ADAMTS5: variants seen among roughly 807,000 people sequenced by gnomAD.
The protein encoded by ADAMTS5 is A disintegrin and metalloproteinase with thrombospondin motifs 5.
A neutral mutation model predicts 81.4 loss-of-function variants in ADAMTS5; 54 were observed. That is an observed-to-expected ratio of 0.66 (90% confidence interval 0.53 to 0.83). The LOEUF is 0.83. Among genes scored for constraint, ADAMTS5 ranks in the 40% least tolerant of loss-of-function variants. The probability of loss-of-function intolerance (pLI) is 0.00; values close to 1 mark genes in which losing one functional copy is unlikely to be tolerated. For missense variants in ADAMTS5, 1,194 were observed against 1,229.9 expected (o/e 0.97, Z 0.44); for synonymous variants, 532 against 508.8 (o/e 1.05, Z -0.61).
intron 6 of ADAMTS5, among the ~76,000 whole-genome samples, chr21:26,930,625 T>C (rs1178013684): frequency 6.6e-6 from 1 of 152,194 alleles, no homozygotes; most frequent in Non-Finnish European, 1.5e-5. Context: ...TGAACGGACT[T>C]ACTGGAAGAG....
In ADAMTS5 at chr21:26,943,420, G is replaced by A. The variant is rs761708971; in HGVS notation, c.1365C>T (p.Cys455=). Residue 455 remains cysteine (C), a synonymous_variant, in exon 3 of 8, where the codon TGC becomes TGT. Coordinates refer to ENST00000284987, the MANE Select transcript of ADAMTS5 (RefSeq NM_007038.5). ...GGAATTCTGTGATGGTGGCTGAAGTGCATTTGGACCAGGGCTTAGATGCAT... is the reference window on the plus strand; with the variant it reads ...GGAATTCTGTGATGGTGGCTGAAGTACATTTGGACCAGGGCTTAGATGCAT... ...SIDASKPWSK[C]TSATITEFLD... 2 of 1,613,578 alleles carry A rather than the reference G, an allele frequency of 1.2e-6. No homozygotes were observed. Among genetic ancestry groups the A allele is most frequent in the South Asian group, 2.2e-5 (2 of 91,044 alleles).
intron 3 of ADAMTS5, 58 bp from the exon 4 acceptor site, chr21:26,934,807 T>C (rs936545300): frequency 7.6e-6 from 12 of 1,584,486 alleles, no homozygotes; most frequent in African/African-American, 1.3e-5. Flanking sequence ...ACCGCTAAAA[T>C]CATGGATCTA....
chr21:26,966,795 T>C lies in ADAMTS5; in HGVS notation c.-404A>G, dbSNP rs904521354. Among the ~76,000 whole-genome samples, 1 of 152,248 alleles carries C rather than the reference T, an allele frequency of 6.6e-6. No homozygotes were observed. The highest frequency in any genetic ancestry group is 1.5e-5 in the Non-Finnish European group (1 of 68,012). On this transcript the variant is annotated 5_prime_UTR_variant, in exon 1 of 8. Coordinates refer to ENST00000284987, the MANE Select transcript of ADAMTS5 (RefSeq NM_007038.5). ...AGGTACCGCGCACCGGGCTGGCAAC[T>C]GGTGCGCGCAGCCTCCCGCCCCCGC... is the stretch of plus-strand genomic sequence containing the variant.
chr21:26,954,617 T>A (rs1987384961), intron 2 of ADAMTS5, 122 bp downstream of exon 2: 2 of 1,441,354 alleles, frequency 1.4e-6, no homozygotes, highest in Non-Finnish European at 1.9e-6. Context: ...ATAAACAAAT[T>A]TAATTCCCAG....
At chr21:26,935,575 G>A (rs900049382) in intron 3 of ADAMTS5, among the ~76,000 whole-genome samples, 1 of 152,206 alleles carries the variant, frequency 6.6e-6, no homozygotes, top group African/African-American at 2.4e-5. Context: ...ATTGGTGTTT[G>A]TTGAGTATTT....
chr21:26,927,153 A>T (rs188217194), intron 7 of ADAMTS5, among the ~76,000 whole-genome samples: 9 of 152,316 alleles, frequency 5.9e-5, no homozygotes, highest in Admixed American at 5.2e-4. Flanking sequence ...TATGGCTGGC[A>T]GGGCAAAGGA....
At chr21:26,938,376 C>T (rs1215200682) in intron 3 of ADAMTS5, among the ~76,000 whole-genome samples, 4 of 152,024 alleles carry the variant, frequency 2.6e-5, no homozygotes, top group South Asian at 2.1e-4. Context: ...TGATTTGAGG[C>T]GAACCAGTAA....
intron 3 of ADAMTS5, among the ~76,000 whole-genome samples, chr21:26,937,753 G>A (rs1488959045): frequency 2.0e-5 from 3 of 152,152 alleles, no homozygotes; most frequent in Admixed American, 2.0e-4. Flanking sequence ...AGCTCTAGAG[G>A]CATCCAACCT....
At chr21:26,957,480 T>C (rs962979796) in intron 1 of ADAMTS5, among the ~76,000 whole-genome samples, 1 of 147,336 alleles carries the variant, frequency 6.8e-6, no homozygotes, top group African/African-American at 2.6e-5. Context: ...TAGATAGATA[T>C]AATCTAGACC....
intron 6 of ADAMTS5, among the ~76,000 whole-genome samples, chr21:26,930,936 T>C (rs1428410801): frequency 1.3e-5 from 2 of 152,200 alleles, no homozygotes; most frequent in African/African-American, 4.8e-5. Flanking sequence ...TGTAATATTT[T>C]TGAATGAAAA....
chr21:26,950,021 C>G (rs1293825237), intron 2 of ADAMTS5, among the ~76,000 whole-genome samples: 1 of 152,172 alleles, frequency 6.6e-6, no homozygotes, highest in African/African-American at 2.4e-5. Flanking sequence ...TTTAACCACA[C>G]CAAAACACAG....
chr21:26,920,816 C>T lies in ADAMTS5; in HGVS notation c.*3237G>A, dbSNP rs1986678338. ...TGTAAAAAACCTATTATCATAGGCA[C>T]AAGTAATGAACACTATTGGTCATGA... On this transcript the variant is annotated 3_prime_UTR_variant, in exon 8 of 8. Transcript: ENST00000284987. The T allele has an allele frequency of 6.6e-6, 1 of 151,976 alleles. No individual in the cohort carries two copies. The highest frequency in any genetic ancestry group is 1.5e-5 in the Non-Finnish European group (1 of 67,980). 9.4% of individuals were successfully genotyped at this position (151,976 alleles called of 1,614,324 possible). A position where few individuals can be genotyped will look rare whatever the true frequency, so the allele number is the denominator to read the frequency against.
chr21:26,944,077 A>G (rs1242783623), intron 2 of ADAMTS5, among the ~76,000 whole-genome samples: 1 of 152,144 alleles, frequency 6.6e-6, no homozygotes, highest in African/African-American at 2.4e-5. Flanking sequence ...TGGCTAATAA[A>G]AGGGAGGACT....
chr21:26,949,009 T>G (rs1384399855), intron 2 of ADAMTS5, among the ~76,000 whole-genome samples: 1 of 152,034 alleles, frequency 6.6e-6, no homozygotes. Flanking sequence ...ATATAAAACA[T>G]GCAAAGTGAT....
At chr21:26,937,846 G>A (rs761880210) in intron 3 of ADAMTS5, among the ~76,000 whole-genome samples, 8 of 151,980 alleles carry the variant, frequency 5.3e-5, no homozygotes, top group Admixed American at 1.3e-4. Context: ...CTAATTCATC[G>A]TAGTCTGAAA....
chr21:26,948,379 T>C (rs1197923638), intron 2 of ADAMTS5, among the ~76,000 whole-genome samples: 1 of 152,206 alleles, frequency 6.6e-6, no homozygotes, highest in South Asian at 2.1e-4. Context: ...CCTAAAAAAA[T>C]GTCACAAGAA....
intron 2 of ADAMTS5, among the ~76,000 whole-genome samples, chr21:26,952,556 C>T (rs372903619): frequency 6.6e-5 from 10 of 152,210 alleles, no homozygotes; most frequent in African/African-American, 2.4e-4. Context: ...CTTATTGCCA[C>T]AGTGTTTGTC....
At position 26,919,431 on chromosome 21, in the gene ADAMTS5, T is replaced by C. The variant is rs1986646489; in HGVS notation, c.*4622A>G. The C allele has an allele frequency of 6.6e-6, 1 of 151,758 alleles. No individual in the cohort carries two copies. Among genetic ancestry groups the C allele is most frequent in the Non-Finnish European group, 1.5e-5 (1 of 67,858 alleles). The allele number at this position is 151,758 out of a possible 1,614,324, so 9.4% of individuals were successfully genotyped here. A position where few individuals can be genotyped will look rare whatever the true frequency, so the allele number is the denominator to read the frequency against. On this transcript the variant is annotated 3_prime_UTR_variant, in exon 8 of 8. Coordinates refer to ENST00000284987, the MANE Select transcript of ADAMTS5 (RefSeq NM_007038.5). ...TATTGCTAATGTGCAACTATATTAGTAGAATGCAATTAACTGGGCTAACTA... is the reference window on the plus strand; with the variant it reads ...TATTGCTAATGTGCAACTATATTAGCAGAATGCAATTAACTGGGCTAACTA...
At chr21:26,954,978 T>C in intron 1 of ADAMTS5, 107 bp from the exon 2 acceptor site, 3 of 1,354,718 alleles carry the variant, frequency 2.2e-6, no homozygotes, top group Non-Finnish European at 2.0e-6. Context: ...ATGTTTATGG[T>C]ATCACCTGTT....
Sources: gnomAD v4.1 joint callset for allele counts (sites outside exome capture counted in the v4.1 genomes callset) on GRCh38, gnomAD v4.1.1 for gene constraint, MANE v1.5 for transcripts, NCBI Gene and HGNC (gene_info 2026-07-23, HGNC 2026-07-21) for gene names.